The following TRPM3 variants were observed in gnomAD, a reference collection of about 807,000 sequenced individuals.
TRPM3 encodes the protein transient receptor potential cation channel subfamily M member 3, also known as long transient receptor potential channel 3.
In TRPM3, 77 loss-of-function variants were observed where a neutral mutation model predicts 181.2. The observed-to-expected ratio is 0.42, with a 90% CI of 0.35 to 0.51. TRPM3 has a LOEUF of 0.51. Among genes scored for constraint, TRPM3 ranks in the 20% least tolerant of loss-of-function variants. TRPM3 has a pLI of 0.01. For synonymous variants in TRPM3, 745 were observed against 796.4 expected, an observed-to-expected ratio of 0.94 and a Z score of 1.09; for missense variants, 1,759 against 2,196.7, an observed-to-expected ratio of 0.80 and a Z score of 3.98.
intron 15 of TRPM3, among the ~76,000 whole-genome samples, chr9:70,621,024 TTA>T (rs1252854258): frequency 1.4e-5 from 2 of 145,608 alleles, no homozygotes; most frequent in African/African-American, 2.5e-5. Context: ...ATATATATTA[TTA>T]TATATATATA....
chr9:70,605,010 G>A (rs887819397), intron 19 of TRPM3, among the ~76,000 whole-genome samples: 4 of 137,478 alleles, frequency 2.9e-5, no homozygotes, highest in Non-Finnish European at 6.1e-5. Context: ...AGGCTGGAGT[G>A]CAGTGGTGCG....
At chr9:70,969,042 C>T (rs980876293) in intron 1 of TRPM3, among the ~76,000 whole-genome samples, 4 of 152,130 alleles carry the variant, frequency 2.6e-5, no homozygotes, top group African/African-American at 9.7e-5. Context: ...AGCTTCTGCA[C>T]AGCAAAAGAA....
At chr9:70,747,332 A>C (rs2075344680) in intron 8 of TRPM3, among the ~76,000 whole-genome samples, 2 of 152,184 alleles carry the variant, frequency 1.3e-5, no homozygotes, top group Non-Finnish European at 2.9e-5. Context: ...AGACATGTGC[A>C]CGGGTTTGGT....
At chr9:70,894,776 T>C (rs774828545) in intron 1 of TRPM3, among the ~76,000 whole-genome samples, 22 of 152,192 alleles carry the variant, frequency 1.4e-4, no homozygotes, top group Admixed American at 3.3e-4. Context: ...AGTTTAGTAG[T>C]ATCATAACAA....
chr9:71,437,891 C>G (rs1040874220), intron 1 of TRPM3, among the ~76,000 whole-genome samples: 1 of 149,986 alleles, frequency 6.7e-6, no homozygotes, highest in African/African-American at 2.5e-5. Flanking sequence ...GAAAAAAAAA[C>G]CCTAAAACAT....
At chr9:70,766,994 A>G (rs2079263358) in intron 7 of TRPM3, among the ~76,000 whole-genome samples, 1 of 152,258 alleles carries the variant, frequency 6.6e-6, no homozygotes, top group African/African-American at 2.4e-5. Context: ...AGTGCCTGAC[A>G]CATAGCAAGT....
At chr9:71,344,571 T>A (rs1408958365) in intron 1 of TRPM3, among the ~76,000 whole-genome samples, 2 of 152,178 alleles carry the variant, frequency 1.3e-5, no homozygotes, top group African/African-American at 4.8e-5. Flanking sequence ...AGTTGCTTAT[T>A]AGTTGCTAGG....
intron 19 of TRPM3, among the ~76,000 whole-genome samples, chr9:70,609,981 C>T (rs562382094): frequency 5.9e-5 from 9 of 151,994 alleles, no homozygotes; most frequent in African/African-American, 1.4e-4. Flanking sequence ...ATCAGGAGGT[C>T]GTCATTTCAG....
intron 1 of TRPM3, among the ~76,000 whole-genome samples, chr9:71,250,521 A>G (rs1011588257): frequency 4.6e-5 from 7 of 152,178 alleles, no homozygotes; most frequent in Admixed American, 6.5e-5. Flanking sequence ...ACACTCAAGA[A>G]AAGTATTGGT....
intron 1 of TRPM3, among the ~76,000 whole-genome samples, chr9:71,094,424 C>T (rs893997301): frequency 2.6e-5 from 4 of 152,118 alleles, no homozygotes; most frequent in South Asian, 2.1e-4. Flanking sequence ...AAATTTGAAT[C>T]GTCTTCTAGT....
intron 25 of TRPM3, among the ~76,000 whole-genome samples, chr9:70,543,632 A>G (rs1446099577): frequency 6.6e-6 from 1 of 152,160 alleles, no homozygotes; most frequent in Non-Finnish European, 1.5e-5. Context: ...ATATACTAGT[A>G]ATAGCTATGT....
At chr9:71,000,513 T>C (rs2097587607) in intron 1 of TRPM3, among the ~76,000 whole-genome samples, 1 of 152,238 alleles carries the variant, frequency 6.6e-6, no homozygotes, top group Admixed American at 6.5e-5. Context: ...TCAATCTTTC[T>C]TAAGTTGGGG....
intron 1 of TRPM3, among the ~76,000 whole-genome samples, chr9:71,029,893 A>G (rs2134646516): frequency 6.6e-6 from 1 of 152,334 alleles, no homozygotes; most frequent in South Asian, 2.1e-4. Context: ...GCTTTGGTGG[A>G]CTGCTCATAT....
In TRPM3 at chr9:71,354,496, C is replaced by A. The variant is rs369990522; in HGVS notation, c.183+92157G>T. Among the ~76,000 whole-genome samples, 6 of 152,282 alleles carry A rather than the reference C, an allele frequency of 3.9e-5. 1 individual carries two copies. The highest frequency in any genetic ancestry group is 6.5e-5 in the Admixed American group (1 of 15,284). On this transcript the variant is annotated intron_variant, in intron 1 of 24. Transcript: ENST00000357533. The stretch of plus-strand genomic sequence containing the variant: ...ATGCATTTCCCACAGCTTATTTATC[C>A]AATTACAACTTATCCTTTGACAGAA...
chr9:71,363,533 T>G (rs374819721), intron 1 of TRPM3, among the ~76,000 whole-genome samples: 2 of 152,206 alleles, frequency 1.3e-5, no homozygotes, highest in South Asian at 4.1e-4. Context: ...ACTCAACAAG[T>G]TGGTTTTGGT....
At chr9:70,893,577 G>A (rs558564605) in intron 1 of TRPM3, among the ~76,000 whole-genome samples, 3 of 152,178 alleles carry the variant, frequency 2.0e-5, no homozygotes, top group South Asian at 4.1e-4. Context: ...TAGTAATTTT[G>A]ATGACTTTGG....
intron 22 of TRPM3, among the ~76,000 whole-genome samples, chr9:70,589,272 GTGTTTGT>G (rs2057701230): frequency 6.6e-6 from 1 of 152,132 alleles, no homozygotes; most frequent in African/African-American, 2.4e-5. Context: ...CCAGATGGTG[GTGTTTGT>G]TGCACTAGGC....
chr9:70,899,004 T>C (rs974698724), intron 1 of TRPM3, among the ~76,000 whole-genome samples: 2 of 152,018 alleles, frequency 1.3e-5, no homozygotes, highest in East Asian at 3.9e-4. Context: ...TCATACACTA[T>C]CCATAGGAGA....
chr9:70,788,807 C>T (rs2084580197), intron 6 of TRPM3, among the ~76,000 whole-genome samples: 1 of 152,116 alleles, frequency 6.6e-6, no homozygotes, highest in South Asian at 2.1e-4. Context: ...AAGGAGCACG[C>T]AACCTAGATA....
Sources: gnomAD v4.1 joint callset for allele counts (sites outside exome capture counted in the v4.1 genomes callset) on GRCh38, gnomAD v4.1.1 for gene constraint, MANE v1.5 for transcripts, NCBI Gene and HGNC (gene_info 2026-07-23, HGNC 2026-07-21) for gene names.